The following CNTNAP5 variants were observed in gnomAD, a reference collection of about 807,000 sequenced individuals.
The protein encoded by CNTNAP5 is contactin associated protein family member 5, also known as contactin-associated protein-like 5.
In CNTNAP5, 72 loss-of-function variants were observed where a neutral mutation model predicts 150.2. The ratio of observed to expected loss-of-function variants is 0.48; its 90% CI spans 0.40 to 0.58. The LOEUF (loss-of-function observed/expected upper bound fraction) is 0.58, where lower values mean the gene tolerates loss of function less well. Among genes scored for constraint, CNTNAP5 ranks in the 20% least tolerant of loss-of-function variants. The pLI is 0.00. For missense variants in CNTNAP5, 1,636 were observed against 1,626.2 expected (o/e 1.01, Z -0.10); for synonymous variants, 672 against 619.8 (o/e 1.08, Z -1.25).
rs185149700 is a variant in CNTNAP5 at position 124,296,731 on chromosome 2, A to T, written c.381+54338A>T. Among the ~76,000 whole-genome samples, 1,204 of 152,304 alleles carry T rather than the reference A, an allele frequency of 7.9e-3. 9 individuals are homozygous for T. The highest frequency in any genetic ancestry group is 0.011 in the Non-Finnish European group (733 of 68,020). On this transcript the variant is annotated intron_variant, in intron 3 of 23. Coordinates refer to ENST00000682447, the MANE Select transcript of CNTNAP5 (RefSeq NM_001367498.1). Reference sequence around the variant, plus strand: ...CTTGACTTAAAAAAGAAATAAAATTAAAAAAATGAATATCATCCCTTCTCC... The same window carrying T: ...CTTGACTTAAAAAAGAAATAAAATTTAAAAAATGAATATCATCCCTTCTCC...
At chr2:124,171,118 C>G (rs938258296) in intron 1 of CNTNAP5, among the ~76,000 whole-genome samples, 1 of 152,116 alleles carries the variant, frequency 6.6e-6, no homozygotes, top group African/African-American at 2.4e-5. Context: ...AAGGTTATTG[C>G]TTTTTCAAAA....
rs140432328 is a variant in CNTNAP5 at position 124,910,948 on chromosome 2, G to A, written c.3656-519G>A. On this transcript the variant is annotated intron_variant, in intron 22 of 23. Coordinates refer to ENST00000682447, the MANE Select transcript of CNTNAP5 (RefSeq NM_001367498.1). ...AGCAAAGACTCAGATTAAGGCCTGC[G>A]TACCCTTAAACTTGATGCTTTTTCT... 2.4e-4 allele frequency among the ~76,000 whole-genome samples: 37 copies of A among 151,926 alleles called. No individual in the cohort carries two copies. In the South Asian group the frequency reaches 5.2e-3, roughly 21 times the overall value.
Position 124,045,608 on chromosome 2 carries a change from G to C in CNTNAP5, c.82+19876G>C, listed in dbSNP as rs142845140. ...TTCTTTAAGCCAGAGTTACTAGATA[G>C]TGTTACAACACAGAATGATGTTATA... On this transcript the variant is annotated intron_variant, in intron 1 of 23. Transcript: ENST00000682447. Among the ~76,000 whole-genome samples the C allele has an allele frequency of 2.5e-3, 383 of 152,164 alleles. 1 individual carries two copies. Among genetic ancestry groups the C allele is most frequent in the African/African-American group, 8.7e-3 (360 of 41,508 alleles).
chr2:124,080,715 A>G (rs1261788436), intron 1 of CNTNAP5, among the ~76,000 whole-genome samples: 1 of 152,182 alleles, frequency 6.6e-6, no homozygotes, highest in Non-Finnish European at 1.5e-5. Flanking sequence ...CCTTGACTGA[A>G]ATTTGCTGAC....
chr2:124,502,193 A>C (rs938429926), intron 7 of CNTNAP5, among the ~76,000 whole-genome samples: 1 of 152,230 alleles, frequency 6.6e-6, no homozygotes, highest in African/African-American at 2.4e-5. Flanking sequence ...GAACCAATCC[A>C]GGAACTCCTT....
intron 11 of CNTNAP5, among the ~76,000 whole-genome samples, chr2:124,569,492 A>T (rs944996634): frequency 6.6e-6 from 1 of 152,240 alleles, no homozygotes; most frequent in African/African-American, 2.4e-5. Context: ...TTCAACAAGT[A>T]CTTTTTGAAA....
At chr2:124,468,628 G>A (rs1449273100) in intron 6 of CNTNAP5, among the ~76,000 whole-genome samples, 1 of 152,108 alleles carries the variant, frequency 6.6e-6, no homozygotes, top group Non-Finnish European at 1.5e-5. Flanking sequence ...ACACCCAGAA[G>A]CAATACTTTG....
chr2:124,709,643 G>T (rs968446528), intron 13 of CNTNAP5, among the ~76,000 whole-genome samples: 3 of 152,130 alleles, frequency 2.0e-5, no homozygotes, highest in Middle Eastern at 3.4e-3. Flanking sequence ...CATAATTTTT[G>T]GAGTTAAAAT....
intron 10 of CNTNAP5, among the ~76,000 whole-genome samples, chr2:124,550,947 A>G (rs1173321849): frequency 6.6e-6 from 1 of 152,136 alleles, no homozygotes; most frequent in African/African-American, 2.4e-5. Context: ...AGTATGCATG[A>G]TGCTGATACA....
chr2:124,565,952 C>CTT (rs111873270), intron 11 of CNTNAP5, among the ~76,000 whole-genome samples: 2,526 of 144,110 alleles, frequency 0.018, 71 homozygotes, highest in African/African-American at 0.059. Context: ...TTGAGGGATC[C>CTT]TTTTTTTTTT....
intron 7 of CNTNAP5, among the ~76,000 whole-genome samples, chr2:124,477,480 G>A (rs1265858446): frequency 6.6e-6 from 1 of 152,058 alleles, no homozygotes; most frequent in African/African-American, 2.4e-5. Context: ...CCTTCGGTTT[G>A]GAAAAGTTAG....
chr2:124,573,012 C>T (rs1315580863), intron 11 of CNTNAP5, among the ~76,000 whole-genome samples: 1 of 152,192 alleles, frequency 6.6e-6, no homozygotes, highest in Non-Finnish European at 1.5e-5. Context: ...CACCTAGTTA[C>T]ACATAGTAGA....
At chr2:124,041,516 A>G (rs1487821047) in intron 1 of CNTNAP5, among the ~76,000 whole-genome samples, 1 of 152,192 alleles carries the variant, frequency 6.6e-6, no homozygotes, top group African/African-American at 2.4e-5. Context: ...TAGCAAACAT[A>G]TACACTTACT....
chr2:124,285,833 A>G (rs1462048543), intron 3 of CNTNAP5, among the ~76,000 whole-genome samples: 1 of 151,924 alleles, frequency 6.6e-6, no homozygotes, highest in Non-Finnish European at 1.5e-5. Context: ...ACGAAAAACA[A>G]GAAGAAGAAA....
chr2:124,042,997 A>G (rs1681424625), intron 1 of CNTNAP5, among the ~76,000 whole-genome samples: 1 of 152,194 alleles, frequency 6.6e-6, no homozygotes. Context: ...CCTGGCTTTG[A>G]TTGCTTATCT....
intron 10 of CNTNAP5, among the ~76,000 whole-genome samples, chr2:124,545,421 G>A (rs1695489196): frequency 6.6e-6 from 1 of 152,108 alleles, no homozygotes; most frequent in South Asian, 2.1e-4. Context: ...CTGATTTCAA[G>A]CTTAATTCAC....
intron 11 of CNTNAP5, among the ~76,000 whole-genome samples, chr2:124,597,101 G>A (rs1165857677): frequency 6.6e-6 from 1 of 150,476 alleles, no homozygotes; most frequent in Non-Finnish European, 1.5e-5. Flanking sequence ...TATCCAATTT[G>A]CCAGTCTGTG....
chr2:124,888,068 G>A (rs1405769045), intron 21 of CNTNAP5, among the ~76,000 whole-genome samples: 1 of 152,098 alleles, frequency 6.6e-6, no homozygotes, highest in African/African-American at 2.4e-5. Context: ...TCATCACCCA[G>A]TATTGAGTAT....
intron 8 of CNTNAP5, among the ~76,000 whole-genome samples, chr2:124,507,872 C>T (rs1694451787): frequency 6.6e-6 from 1 of 152,256 alleles, no homozygotes; most frequent in East Asian, 1.9e-4. Context: ...CAGAAGGCTG[C>T]CAAGGGTGAG....
Sources: gnomAD v4.1 joint callset for allele counts (sites outside exome capture counted in the v4.1 genomes callset) on GRCh38, gnomAD v4.1.1 for gene constraint, MANE v1.5 for transcripts, NCBI Gene and HGNC (gene_info 2026-07-23, HGNC 2026-07-21) for gene names.